Variants in SESN1 observed in about 807,000 individuals in gnomAD.
SESN1 encodes sestrin-1.
In SESN1, 30 loss-of-function variants were observed where a neutral mutation model predicts 59.3. That is an observed-to-expected ratio of 0.51 (90% CI 0.38 to 0.69). The LOEUF is 0.69. Ranked by LOEUF, SESN1 falls within the 30% of genes least tolerant of loss-of-function variation. The pLI is 0.00. For synonymous variants in SESN1, 197 were observed against 219.9 expected (o/e 0.90, Z 0.92); for missense variants, 566 against 673.0 (o/e 0.84, Z 1.76).
intron 4 of SESN1, among the ~76,000 whole-genome samples, chr6:108,999,456 C>A (rs1317470668): frequency 2.0e-5 from 3 of 152,064 alleles, no homozygotes. Context: ...ATTTATAGTG[C>A]ATGGTAGACA....
intron 1 of SESN1, among the ~76,000 whole-genome samples, chr6:109,036,503 G>A (rs1453239031): frequency 6.6e-6 from 1 of 152,064 alleles, no homozygotes; most frequent in African/African-American, 2.4e-5. Flanking sequence ...TCTGATGCTG[G>A]GATCTAGTGT....
At chr6:109,083,908 AC>A (rs1356644168) in intron 1 of SESN1, among the ~76,000 whole-genome samples, 1 of 152,216 alleles carries the variant, frequency 6.6e-6, no homozygotes, top group Non-Finnish European at 1.5e-5. Context: ...ACACCTGCCA[AC>A]TAGCTAGAAA....
At chr6:109,011,320 A>G (rs751031453) in intron 1 of SESN1, among the ~76,000 whole-genome samples, 3 of 152,228 alleles carry the variant, frequency 2.0e-5, no homozygotes, top group Non-Finnish European at 4.4e-5. Flanking sequence ...GGAAGCTCCA[A>G]TTAGGATTCC....
intron 1 of SESN1, among the ~76,000 whole-genome samples, chr6:109,035,733 T>C (rs1780239010): frequency 6.6e-6 from 1 of 152,136 alleles, no homozygotes; most frequent in Middle Eastern, 3.2e-3. Context: ...CCCCAGTAGC[T>C]GGGACTACAG....
chr6:109,004,438 CTT>C (rs776158699), intron 1 of SESN1, among the ~76,000 whole-genome samples: 41 of 142,544 alleles, frequency 2.9e-4, no homozygotes, highest in Admixed American at 3.5e-4. Flanking sequence ...CCCCAACAAT[CTT>C]TTTTTTTTTT....
Position 109,000,642 on chromosome 6 carries a change from A to G in SESN1, c.578T>C (p.Val193Ala). 6.2e-7 allele frequency: 1 copy of G among 1,609,626 alleles called. No homozygotes were observed. The highest frequency in any genetic ancestry group is 8.5e-7 in the Non-Finnish European group (1 of 1,177,584). Residue 193 changes from valine to alanine, a missense_variant, in exon 4 of 10, where the codon GTG becomes GCG. Coordinates refer to ENST00000436639, the MANE Select transcript of SESN1 (RefSeq NM_014454.3). ...AAGGAAATCATTTACATGCAGGTTC[A>G]CTAAGTAGGAGCACTGATGTCTTGC... ...AAARHQCSYLVNLHVNDFLHV... is the reference protein window; with the variant it reads ...AAARHQCSYLANLHVNDFLHV...
Position 108,993,272 on chromosome 6 carries a change from AGATT to A in SESN1, c.1121-377_1121-374del, listed in dbSNP as rs146246660. ...AGCTATGCTCCAAAATTTAGCACTT[AGATT>A]ATTTTTGTTGAATATTAATGACATA... On this transcript the variant is annotated intron_variant, in intron 6 of 9. Coordinates refer to ENST00000436639, the MANE Select transcript of SESN1 (RefSeq NM_014454.3). Among the ~76,000 whole-genome samples, 787 of 152,334 alleles carry A rather than the reference AGATT, an allele frequency of 5.2e-3. 5 individuals are homozygous for A. The highest frequency in any genetic ancestry group is 0.018 in the African/African-American group (734 of 41,580).
chr6:109,046,423 C>T (rs1482403220), intron 1 of SESN1, among the ~76,000 whole-genome samples: 3 of 150,890 alleles, frequency 2.0e-5, no homozygotes, highest in South Asian at 2.1e-4. Context: ...GGCATGATCT[C>T]GGCTCACTAC....
Position 109,021,292 on chromosome 6 carries a change from CT to C in SESN1, c.280-18950del, listed in dbSNP as rs1780007094. Among the ~76,000 whole-genome samples the C allele has an allele frequency of 2.0e-5, 3 of 152,186 alleles. No individual in the cohort carries two copies. The South Asian group carries it at 6.2e-4, about 32-fold the overall frequency. On this transcript the variant is annotated intron_variant, in intron 1 of 9. Coordinates refer to ENST00000436639, the MANE Select transcript of SESN1 (RefSeq NM_014454.3). Reference sequence around the variant, plus strand: ...GCCACCTTGCCGAGCCCACCATGTACTTTAAAACAAAGGAGGTTTGCTAATA... The same window carrying C: ...GCCACCTTGCCGAGCCCACCATGTACTTAAAACAAAGGAGGTTTGCTAATA...
rs187959661 is a variant in SESN1 at position 109,026,724 on chromosome 6, C to T, written c.280-24381G>A. ...TTCACCATGTTGGCCAGGATGGTCT[C>T]GATCTCTTGACCTCATGATCCGCCC... On this transcript the variant is annotated intron_variant, in intron 1 of 9. Transcript: ENST00000436639. 6.0e-3 allele frequency among the ~76,000 whole-genome samples: 907 copies of T among 152,076 alleles called. 6 individuals carry two copies. Among genetic ancestry groups the T allele is most frequent in the African/African-American group, 0.02 (848 of 41,510 alleles).
chr6:109,034,995 T>A (rs1780230453), intron 1 of SESN1, among the ~76,000 whole-genome samples: 1 of 152,198 alleles, frequency 6.6e-6, no homozygotes, highest in African/African-American at 2.4e-5. Context: ...GAAAGTGAAA[T>A]CTGAATTTCA....
chr6:109,069,743 A>AC (rs545548853), intron 1 of SESN1, among the ~76,000 whole-genome samples: 7 of 151,632 alleles, frequency 4.6e-5, no homozygotes, highest in Admixed American at 3.9e-4. Flanking sequence ...AGATGGTGGG[A>AC]GGGGGGGTCT....
chr6:109,020,429 G>A (rs1325406528), intron 1 of SESN1, among the ~76,000 whole-genome samples: 5 of 152,056 alleles, frequency 3.3e-5, no homozygotes, highest in African/African-American at 1.2e-4. Context: ...ATTCTTTCTT[G>A]CTGTGGGTAG....
At chr6:109,092,489 A>G (rs1228414575) in intron 1 of SESN1, among the ~76,000 whole-genome samples, 1 of 152,236 alleles carries the variant, frequency 6.6e-6, no homozygotes, top group East Asian at 1.9e-4. Flanking sequence ...AATATGAATT[A>G]AGCAGCAAAA....
chr6:108,994,345 A>G (rs530943357), intron 6 of SESN1, 117 bp downstream of exon 6: 1 of 759,800 alleles, frequency 1.3e-6, no homozygotes, highest in Non-Finnish European at 2.0e-6. Context: ...TACCTATGCA[A>G]TAGTCTCTCT....
chr6:108,991,752 G>A (rs1779389881), intron 7 of SESN1, among the ~76,000 whole-genome samples: 1 of 151,942 alleles, frequency 6.6e-6, no homozygotes. Flanking sequence ...ATGCCATCAC[G>A]CTGGTCAAAG....
intron 1 of SESN1, among the ~76,000 whole-genome samples, chr6:109,091,113 T>C (rs993467186): frequency 6.6e-6 from 1 of 152,198 alleles, no homozygotes; most frequent in African/African-American, 2.4e-5. Flanking sequence ...TTCCTATAAG[T>C]GGACTCATGC....
At chr6:109,002,923 C>T (rs531281995) in intron 1 of SESN1, among the ~76,000 whole-genome samples, 28 of 152,124 alleles carry the variant, frequency 1.8e-4, no homozygotes, top group African/African-American at 5.1e-4. Context: ...TGTAAGTTTG[C>T]CTTAAATTAA....
intron 6 of SESN1, among the ~76,000 whole-genome samples, chr6:108,993,631 T>C (rs375391618): frequency 6.6e-5 from 10 of 152,326 alleles, no homozygotes; most frequent in East Asian, 5.8e-4. Flanking sequence ...CTCCTTTAAA[T>C]TACCTGGTTT....
Sources: gnomAD v4.1 joint callset for allele counts (sites outside exome capture counted in the v4.1 genomes callset) on GRCh38, gnomAD v4.1.1 for gene constraint, MANE v1.5 for transcripts, NCBI Gene and HGNC (gene_info 2026-07-23, HGNC 2026-07-21) for gene names.